The following MARCHF1 variants were observed in gnomAD, a reference collection of about 807,000 sequenced individuals.
The protein encoded by MARCHF1 is E3 ubiquitin-protein ligase MARCHF1.
In MARCHF1, 40 loss-of-function variants were observed where a neutral mutation model predicts 54.2. The observed-to-expected ratio is 0.74, with a 90% CI of 0.57 to 0.96. The LOEUF (loss-of-function observed/expected upper bound fraction) is 0.96, where lower values mean the gene tolerates loss of function less well. Among genes scored for constraint, MARCHF1 ranks in the 40% least tolerant of loss-of-function variants. The pLI is 0.00. For synonymous variants in MARCHF1, 236 were observed against 236.3 expected (o/e 1.00, Z 0.01); for missense variants, 586 against 656.5 (o/e 0.89, Z 1.17).
intron 8 of MARCHF1, among the ~76,000 whole-genome samples, chr4:163,559,454 A>G (rs1739398248): frequency 6.6e-6 from 1 of 152,120 alleles, no homozygotes; most frequent in African/African-American, 2.4e-5. Context: ...AGGATGGAGG[A>G]AGAAGAAAAA....
intron 5 of MARCHF1, among the ~76,000 whole-genome samples, chr4:163,655,888 C>G (rs1743121429): frequency 6.6e-6 from 1 of 151,936 alleles, no homozygotes; most frequent in South Asian, 2.1e-4. Context: ...GCCAGGATCT[C>G]TGGAATGCAG....
intron 3 of MARCHF1, among the ~76,000 whole-genome samples, chr4:163,901,971 G>A (rs540421377): frequency 9.3e-4 from 142 of 152,232 alleles, no homozygotes; most frequent in African/African-American, 1.9e-3. Flanking sequence ...ATTTAAGTAC[G>A]AAACTCTGCT....
At chr4:163,867,952 CA>C (rs932427623) in intron 3 of MARCHF1, among the ~76,000 whole-genome samples, 1 of 151,388 alleles carries the variant, frequency 6.6e-6, no homozygotes, top group African/African-American at 2.4e-5. Context: ...AATACTTCAT[CA>C]GTAGCTCAGC....
chr4:163,585,899 G>A lies in MARCHF1; in HGVS notation c.1041C>T (p.Ser347=), dbSNP rs1351739293. 1.9e-6 allele frequency: 3 copies of A among 1,611,916 alleles called. No individual in the cohort carries two copies. The highest frequency in any genetic ancestry group is 1.3e-5 in the African/African-American group (1 of 74,948). Reference sequence around the variant, plus strand: ...TGCAGCGACAGGGTGTGATGAGGGGGCTCTCTTCATCCCCTTCGCAGTGAC... The same window carrying A: ...TGCAGCGACAGGGTGTGATGAGGGGACTCTCTTCATCCCCTTCGCAGTGAC... ...RICHCEGDEE[S]PLITPCRCTG... is the part of the protein sequence containing the mutation. Residue 347 remains serine (S), a synonymous_variant, in exon 8 of 10, where the codon AGC becomes AGT. Transcript: ENST00000514618.
intron 1 of MARCHF1, among the ~76,000 whole-genome samples, chr4:164,114,376 T>C (rs1425183976): frequency 6.6e-6 from 1 of 151,864 alleles, no homozygotes. Context: ...GAGTTCCCTG[T>C]TTAAGTAAAA....
intron 2 of MARCHF1, among the ~76,000 whole-genome samples, chr4:164,063,414 C>G (rs564931808): frequency 2.0e-5 from 3 of 152,216 alleles, no homozygotes; most frequent in African/African-American, 7.2e-5. Context: ...TCCATCAACA[C>G]TTGAAGCTCC....
At chr4:164,008,952 A>G (rs556564745) in intron 2 of MARCHF1, among the ~76,000 whole-genome samples, 2 of 152,178 alleles carry the variant, frequency 1.3e-5, no homozygotes, top group South Asian at 4.1e-4. Flanking sequence ...GGAAAGAAGT[A>G]ATACATATTC....
At chr4:164,330,468 A>AC (rs1735406776) in intron 1 of MARCHF1, among the ~76,000 whole-genome samples, 2 of 152,058 alleles carry the variant, frequency 1.3e-5, no homozygotes, top group African/African-American at 4.8e-5. Flanking sequence ...TGTCCATAAA[A>AC]CCCACCCGTA....
At chr4:163,881,666 A>T (rs12509794) in intron 3 of MARCHF1, among the ~76,000 whole-genome samples, 5,751 of 148,438 alleles carry the variant, frequency 0.039, 297 homozygotes, top group Admixed American at 0.057. Context: ...TCTGGTTGGG[A>T]TCAGGCTACA....
chr4:164,209,931 A>G (rs1731718088), intron 1 of MARCHF1, among the ~76,000 whole-genome samples: 1 of 152,202 alleles, frequency 6.6e-6, no homozygotes, highest in Non-Finnish European at 1.5e-5. Flanking sequence ...TAATGCAGTG[A>G]AAAGGGATAA....
At chr4:164,227,630 A>G (rs1732294782) in intron 1 of MARCHF1, among the ~76,000 whole-genome samples, 1 of 152,142 alleles carries the variant, frequency 6.6e-6, no homozygotes, top group Admixed American at 6.6e-5. Context: ...AATTTTAAAA[A>G]ATAGTGTGGG....
At chr4:164,190,953 C>A (rs1440732611) in intron 1 of MARCHF1, among the ~76,000 whole-genome samples, 1 of 152,038 alleles carries the variant, frequency 6.6e-6, no homozygotes, top group Non-Finnish European at 1.5e-5. Flanking sequence ...ATTGTTGTTT[C>A]TCTGTTGTTA....
At chr4:163,906,489 T>A (rs562193330) in intron 3 of MARCHF1, among the ~76,000 whole-genome samples, 3 of 151,952 alleles carry the variant, frequency 2.0e-5, no homozygotes, top group African/African-American at 7.2e-5. Context: ...ACAAAATTTT[T>A]TATTTAAATT....
rs1287829324 is a variant in MARCHF1, at chr4:163,838,637, C to G, written c.111+15384G>C. On this transcript the variant is annotated intron_variant, in intron 4 of 9. Coordinates refer to ENST00000514618, the MANE Select transcript of MARCHF1 (RefSeq NM_001394959.1). Reference sequence around the variant, plus strand: ...AAATTAAAAACAAATGTACAAGGGCCAAGATAATTGAACTGAACTGTCTTC... The same window carrying G: ...AAATTAAAAACAAATGTACAAGGGCGAAGATAATTGAACTGAACTGTCTTC... Among the ~76,000 whole-genome samples the G allele has an allele frequency of 1.4e-4, 22 of 151,946 alleles. 1 individual carries two copies. Among genetic ancestry groups the G allele is most frequent in the Admixed American group, 1.4e-3 (22 of 15,254 alleles).
intron 5 of MARCHF1, among the ~76,000 whole-genome samples, chr4:163,619,769 G>T (rs1268720390): frequency 1.3e-5 from 2 of 149,388 alleles, no homozygotes; most frequent in Non-Finnish European, 3.0e-5. Flanking sequence ...TTTAAATACA[G>T]CAAAAAAAAA....
At chr4:164,060,200 T>G (rs1290959346) in intron 2 of MARCHF1, among the ~76,000 whole-genome samples, 1 of 152,102 alleles carries the variant, frequency 6.6e-6, no homozygotes, top group Non-Finnish European at 1.5e-5. Context: ...TTTTCTCAAA[T>G]TTTTATACCA....
chr4:164,159,650 T>A (rs528061499), intron 1 of MARCHF1, among the ~76,000 whole-genome samples: 1 of 152,280 alleles, frequency 6.6e-6, no homozygotes, highest in East Asian at 1.9e-4. Flanking sequence ...TTAGTCCAGG[T>A]GATACTTGTA....
intron 4 of MARCHF1, among the ~76,000 whole-genome samples, chr4:163,781,900 T>C (rs1259930854): frequency 1.3e-5 from 2 of 152,196 alleles, no homozygotes; most frequent in African/African-American, 4.8e-5. Context: ...CATATTAGTA[T>C]TATCATTAAT....
At chr4:163,901,754 A>G (rs1750946011) in intron 3 of MARCHF1, among the ~76,000 whole-genome samples, 1 of 152,162 alleles carries the variant, frequency 6.6e-6, no homozygotes, top group Non-Finnish European at 1.5e-5. Context: ...TGCAAAATTT[A>G]TGGAAACAAC....
Sources: gnomAD v4.1 joint callset for allele counts (sites outside exome capture counted in the v4.1 genomes callset) on GRCh38, gnomAD v4.1.1 for gene constraint, MANE v1.5 for transcripts, NCBI Gene and HGNC (gene_info 2026-07-23, HGNC 2026-07-21) for gene names.